The following XPNPEP2 variants were observed in gnomAD, a reference collection of about 807,000 sequenced individuals.
XPNPEP2 encodes the protein xaa-Pro aminopeptidase 2.
A neutral mutation model predicts 59.8 loss-of-function variants in XPNPEP2; 64 were observed. The ratio of observed to expected loss-of-function variants is 1.07; its 90% CI spans 0.87 to 1.32. The LOEUF is 1.32. Ranked by LOEUF, XPNPEP2 falls within the 40% of genes most tolerant of loss-of-function variation. XPNPEP2 has a pLI of 0.00. For synonymous variants in XPNPEP2, 235 were observed against 210.0 expected, an observed-to-expected ratio of 1.12 and a Z score of -1.03; for missense variants, 575 against 546.8, an observed-to-expected ratio of 1.05 and a Z score of -0.51.
intron 1 of XPNPEP2, 82 bp downstream of exon 1, chrX:129,739,344 G>A: frequency 9.8e-7 from 1 of 1,018,929 alleles, no homozygotes; most frequent in South Asian, 2.0e-5. Flanking sequence ...GAGGGTTGGG[G>A]CCCGAGTCTC....
rs1926122932 is a variant in XPNPEP2 at position 129,739,059 on chromosome X, C to T, written c.-155C>T. On this transcript the variant is annotated 5_prime_UTR_variant, in exon 1 of 21. Coordinates refer to ENST00000371106, the MANE Select transcript of XPNPEP2 (RefSeq NM_003399.6). ...TCCAAAACAAAAGACCAGAGAAGCA[C>T]TCTCCACCCAGCAGCCAGACGCCTC... is the stretch of plus-strand genomic sequence containing the variant. 1.8e-6 allele frequency: 1 copy of T among 555,747 alleles called. No homozygotes were observed. Among genetic ancestry groups the T allele is most frequent in the East Asian group, 3.3e-5 (1 of 30,142 alleles). 45.8% of individuals were successfully genotyped at this position (555,747 alleles called of 1,213,427 possible).
At chrX:129,748,309 T>A (rs755303999) in intron 7 of XPNPEP2, among the ~76,000 whole-genome samples, 2 of 112,116 alleles carry the variant, frequency 1.8e-5, no homozygotes, top group Non-Finnish European at 3.8e-5. Context: ...TAGAAAAATA[T>A]AACATCAATA....
At chrX:129,741,198 C>G (rs762277225) in intron 1 of XPNPEP2, among the ~76,000 whole-genome samples, 2 of 109,427 alleles carry the variant, frequency 1.8e-5, no homozygotes, top group East Asian at 5.9e-4. Flanking sequence ...TCGAGTCACT[C>G]TAAATTGGGG....
chrX:129,769,456 G>A lies in XPNPEP2; in HGVS notation c.*971G>A, dbSNP rs1926813088. ...TCATTCTCTGAACCCACTGTGGTGA[G>A]AAGAATTTGCTCCGGCCAAATTGGC... On this transcript the variant is annotated 3_prime_UTR_variant, in exon 21 of 21. Transcript: ENST00000371106. 8.9e-6 allele frequency: 1 copy of A among 112,553 alleles called. No individual in the cohort carries two copies. The highest frequency in any genetic ancestry group is 3.2e-5 in the African/African-American group (1 of 30,933). 9.3% of individuals were successfully genotyped at this position (112,553 alleles called of 1,213,427 possible).
At chrX:129,741,250 C>T (rs1602894042) in intron 1 of XPNPEP2, among the ~76,000 whole-genome samples, 1 of 111,077 alleles carries the variant, frequency 9.0e-6, no homozygotes, top group African/African-American at 3.3e-5. Flanking sequence ...ATATTCTGTC[C>T]CTTCTGTGGC....
intron 2 of XPNPEP2, among the ~76,000 whole-genome samples, chrX:129,743,660 C>A (rs903221837): frequency 1.8e-5 from 2 of 112,075 alleles, no homozygotes; most frequent in African/African-American, 3.2e-5. Context: ...GAGCTCAGAC[C>A]CCTGCAGTTC....
At chrX:129,743,856 A>G (rs1926243785) in intron 2 of XPNPEP2, 105 bp from the exon 3 acceptor site, 1 of 711,699 alleles carries the variant, frequency 1.4e-6, no homozygotes, top group Admixed American at 2.6e-5. Context: ...CTGCTTCAGG[A>G]GAGGCTGGGG....
chrX:129,765,186 T>C (rs1261876427), intron 19 of XPNPEP2, among the ~76,000 whole-genome samples: 2 of 111,568 alleles, frequency 1.8e-5, no homozygotes, highest in African/African-American at 6.5e-5. Flanking sequence ...GAGAGTGGTC[T>C]GCAATAGCGC....
At chrX:129,749,323 G>A (rs1009828016) in intron 7 of XPNPEP2, among the ~76,000 whole-genome samples, 1 of 112,156 alleles carries the variant, frequency 8.9e-6, no homozygotes, top group African/African-American at 3.2e-5. Context: ...AGATCGTGGC[G>A]ATGGTTGCAC....
chrX:129,753,683 T>G (rs1031553067), intron 11 of XPNPEP2, among the ~76,000 whole-genome samples: 4 of 111,016 alleles, frequency 3.6e-5, no homozygotes, highest in Non-Finnish European at 7.6e-5. Context: ...AGACACCAAA[T>G]TATTCCTGGG....
intron 8 of XPNPEP2, among the ~76,000 whole-genome samples, chrX:129,751,434 C>T (rs1403741746): frequency 9.3e-6 from 1 of 108,107 alleles, no homozygotes; most frequent in Non-Finnish European, 1.9e-5. Flanking sequence ...CTTGAACCTG[C>T]GAGGTGGAGA....
intron 1 of XPNPEP2, among the ~76,000 whole-genome samples, chrX:129,741,687 T>C (rs781291074): frequency 5.3e-5 from 6 of 112,293 alleles, no homozygotes; most frequent in African/African-American, 1.9e-4. Context: ...CAATGTATCA[T>C]ACAATTAGAT....
At chrX:129,759,111 C>T in intron 14 of XPNPEP2, 69 bp from the exon 15 acceptor site, 2 of 1,174,286 alleles carry the variant, frequency 1.7e-6, no homozygotes, top group South Asian at 3.6e-5. Context: ...TTGTGGAAAG[C>T]ACACAGAAAG....
Position 129,750,510 on chromosome X carries a change from T to C in XPNPEP2, c.680T>C (p.Met227Thr). The C allele has an allele frequency of 8.3e-7, 1 of 1,198,236 alleles. No homozygotes were observed. Among genetic ancestry groups the C allele is most frequent in the Non-Finnish European group, 1.1e-6 (1 of 888,874 alleles). The change falls in exon 8 of 21, where the codon ATG (methionine) becomes ACG (threonine). Residue 227 changes from methionine (M) to threonine (T), a missense_variant. By Grantham distance (81) the Met-to-Thr change is moderately conservative. Transcript: ENST00000371106. ...AAAGTATCTGGCGTCCGAAGCCAGA[T>C]GCAGAAGCATCAAAAGGTCCCGACT... ...QEKVSGVRSQMQKHQKVPTAV... is the reference protein window; with the variant it reads ...QEKVSGVRSQTQKHQKVPTAV...
chrX:129,755,346 C>G lies in XPNPEP2; in HGVS notation c.1270C>G (p.Leu424Val). The change falls in exon 13 of 21, where the codon CTG (leucine) becomes GTG (valine). Residue 424 changes from leucine (L) to valine (V), a missense_variant. By Grantham distance (32) the Leu-to-Val change is conservative. Coordinates refer to ENST00000371106, the MANE Select transcript of XPNPEP2 (RefSeq NM_003399.6). ...PSFETISASG[L>V]NAALAHYSPT... The stretch of plus-strand genomic sequence containing the variant: ...TTTTGAAACCATCTCTGCTAGTGGT[C>G]TGAATGCTGCCCTGGCCCACTACAG... 1 of 1,211,892 alleles carries G rather than the reference C, an allele frequency of 8.3e-7. No individual in the cohort carries two copies. Among genetic ancestry groups the G allele is most frequent in the Non-Finnish European group, 1.1e-6 (1 of 895,466 alleles).
In XPNPEP2 at chrX:129,761,164, C is replaced by A; in HGVS notation, c.1499-8C>A. On this transcript the variant is annotated splice_region_variant and splice_polypyrimidine_tract_variant and intron_variant, in intron 16 of 20. Transcript: ENST00000371106. ...ATCTGACTGGGGTCAATCTCTCTTC[C>A]CTTCCAGGGCGAATGGTGGAGGCCT... 1 of 1,209,528 alleles carries A rather than the reference C, an allele frequency of 8.3e-7. No homozygotes were observed. Among genetic ancestry groups the A allele is most frequent in the Non-Finnish European group, 1.1e-6 (1 of 893,626 alleles).
chrX:129,754,348 C>T, intron 11 of XPNPEP2, 124 bp from the exon 12 acceptor site: 1 of 556,398 alleles, frequency 1.8e-6, no homozygotes. Flanking sequence ...TCTTTGACAT[C>T]AAATAGCCAG....
chrX:129,757,545 C>T (rs1602907180), intron 14 of XPNPEP2, among the ~76,000 whole-genome samples: 1 of 108,188 alleles, frequency 9.2e-6, no homozygotes, highest in Non-Finnish European at 1.9e-5. Flanking sequence ...GTGGCTCACA[C>T]CTGTAATCCC....
At chrX:129,740,650 G>A (rs1376133317) in intron 1 of XPNPEP2, among the ~76,000 whole-genome samples, 1 of 107,024 alleles carries the variant, frequency 9.3e-6, no homozygotes, top group Admixed American at 9.9e-5. Flanking sequence ...AAATGCGGGC[G>A]CGGGGGGCGT....
Sources: gnomAD v4.1 joint callset for allele counts (sites outside exome capture counted in the v4.1 genomes callset) on GRCh38, gnomAD v4.1.1 for gene constraint, MANE v1.5 for transcripts, NCBI Gene and HGNC (gene_info 2026-07-23, HGNC 2026-07-21) for gene names.